The following LRP1B variants were observed in gnomAD, a reference collection of about 807,000 sequenced individuals.
LRP1B encodes low-density lipoprotein receptor-related protein 1B.
A neutral mutation model predicts 556.6 loss-of-function variants in LRP1B; 217 were observed. The ratio of observed to expected loss-of-function variants is 0.39; its 90% CI spans 0.35 to 0.44. The LOEUF (loss-of-function observed/expected upper bound fraction) is 0.44. Ranked by LOEUF, LRP1B falls within the 20% of genes least tolerant of loss-of-function variation. The probability of loss-of-function intolerance (pLI) is 1.00; values close to 1 mark genes in which losing one functional copy is unlikely to be tolerated. For synonymous variants in LRP1B, 2,047 were observed against 1,865.8 expected (o/e 1.10, Z -2.50); for missense variants, 5,053 against 5,620.8 (o/e 0.90, Z 3.23).
rs144504622 is a variant in LRP1B at position 140,888,002 on chromosome 2, G to T, written c.3767-1667C>A. On this transcript the variant is annotated intron_variant, in intron 23 of 90. Coordinates refer to ENST00000389484, the MANE Select transcript of LRP1B (RefSeq NM_018557.3). ...TTAAACTGAATTGTGCACTTTAAAA[G>T]AGTGAATCTTATGGTATGTAAATTA... is the stretch of plus-strand genomic sequence containing the variant. Among the ~76,000 whole-genome samples the T allele has an allele frequency of 2.0e-3, 312 of 152,294 alleles. 1 individual carries two copies. The highest frequency in any genetic ancestry group is 7.3e-3 in the African/African-American group (303 of 41,564).
chr2:140,482,942 TTTAAG>T (rs1688301800), intron 59 of LRP1B, among the ~76,000 whole-genome samples: 1 of 152,182 alleles, frequency 6.6e-6, no homozygotes, highest in Admixed American at 6.5e-5. Flanking sequence ...TAATCTTAAA[TTTAAG>T]TTTTCATTTT....
rs2105129971 is a variant in LRP1B at position 140,356,380 on chromosome 2, G to A, written c.11492C>T (p.Pro3831Leu). The change falls in exon 75 of 91, where the codon CCT (proline) becomes CTT (leucine). Residue 3831 changes from proline to leucine, a missense_variant. Physicochemically the swap from Pro to Leu is moderately conservative, Grantham distance 98. Around this residue, in one of 5 missense-constraint regions of LRP1B, gnomAD observed 599 missense variants for 648.4 expected, o/e 0.92. Transcript: ENST00000389484. The part of the protein sequence containing the change: ...IKTSVFCRCK[P>L]GFQRNMKNRQ... ...GTTTTTCATGTTTCTCTGAAATCCAGGCTTACAGCGACAGAAAACAGATGT... is the reference window on the plus strand; with the variant it reads ...GTTTTTCATGTTTCTCTGAAATCCAAGCTTACAGCGACAGAAAACAGATGT... The A allele has an allele frequency of 6.2e-7, 1 of 1,610,866 alleles. No individual in the cohort carries two copies. The highest frequency in any genetic ancestry group is 1.1e-5 in the South Asian group (1 of 90,972).
chr2:141,349,493 C>A (rs1688372235), intron 3 of LRP1B, among the ~76,000 whole-genome samples: 1 of 152,074 alleles, frequency 6.6e-6, no homozygotes, highest in Admixed American at 6.6e-5. Context: ...AGGTAAACCT[C>A]AAACCTCTGT....
intron 41 of LRP1B, among the ~76,000 whole-genome samples, chr2:140,647,196 T>TA (rs151043561): frequency 6.6e-6 from 1 of 152,130 alleles, no homozygotes; most frequent in Non-Finnish European, 1.5e-5. Flanking sequence ...AATGCTTTTT[T>TA]AAAAAAACTT....
At chr2:141,597,680 T>C (rs1471416001) in intron 2 of LRP1B, among the ~76,000 whole-genome samples, 4 of 152,098 alleles carry the variant, frequency 2.6e-5, no homozygotes, top group Non-Finnish European at 4.4e-5. Context: ...TTCTGGATCC[T>C]TTATTGGAAG....
chr2:141,276,758 G>A (rs1404720761), intron 3 of LRP1B, among the ~76,000 whole-genome samples: 2 of 148,938 alleles, frequency 1.3e-5, no homozygotes, highest in Admixed American at 6.8e-5. Context: ...CCCGGTTCAC[G>A]CCATTCTCCT....
At chr2:140,689,528 T>C (rs1273762610) in intron 41 of LRP1B, among the ~76,000 whole-genome samples, 1 of 152,228 alleles carries the variant, frequency 6.6e-6, no homozygotes, top group Non-Finnish European at 1.5e-5. Context: ...GAAGTTTTTC[T>C]TTTAACAACA....
chr2:141,012,983 G>A (rs72975020), intron 14 of LRP1B, among the ~76,000 whole-genome samples: 13,756 of 149,368 alleles, frequency 0.092, 716 homozygotes, highest in African/African-American at 0.13. Flanking sequence ...ATGTCCTAAT[G>A]AGTATTAATA....
intron 3 of LRP1B, among the ~76,000 whole-genome samples, chr2:141,276,805 C>T (rs570686817): frequency 4.0e-4 from 60 of 151,842 alleles, no homozygotes; most frequent in African/African-American, 1.4e-3. Flanking sequence ...TACAAGCGGC[C>T]GCCACCACGC....
At chr2:141,916,546 T>C (rs1271997087) in intron 1 of LRP1B, among the ~76,000 whole-genome samples, 1 of 135,304 alleles carries the variant, frequency 7.4e-6, no homozygotes, top group Non-Finnish European at 1.6e-5. Context: ...TTGAACTTTT[T>C]TTTTTTTTTT....
intron 1 of LRP1B, among the ~76,000 whole-genome samples, chr2:141,999,321 T>C (rs13386815): frequency 0.13 from 19,062 of 152,096 alleles, 1,246 homozygotes; most frequent in African/African-American, 0.16. Flanking sequence ...GGTCCATCAG[T>C]TGCTTGGAAG....
chr2:140,638,911 A>T (rs1045371855), intron 41 of LRP1B, among the ~76,000 whole-genome samples: 3 of 151,890 alleles, frequency 2.0e-5, no homozygotes, highest in Non-Finnish European at 2.9e-5. Flanking sequence ...ATTTATATAT[A>T]GTTCGTATTT....
intron 7 of LRP1B, among the ~76,000 whole-genome samples, chr2:141,169,014 G>A (rs116057252): frequency 0.026 from 3,971 of 151,966 alleles, 163 homozygotes; most frequent in African/African-American, 0.09. Flanking sequence ...GGCCAGGCGC[G>A]GTGGCTCAGG....
At chr2:141,913,182 A>T (rs889449057) in intron 1 of LRP1B, among the ~76,000 whole-genome samples, 3 of 152,160 alleles carry the variant, frequency 2.0e-5, no homozygotes, top group African/African-American at 7.2e-5. Context: ...CCACTGAACC[A>T]TATATTACAA....
intron 24 of LRP1B, among the ~76,000 whole-genome samples, chr2:140,885,925 G>A (rs113869779): frequency 2.6e-5 from 4 of 151,072 alleles, no homozygotes; most frequent in South Asian, 2.1e-4. Context: ...AGTCCACAGT[G>A]GCAAATGGTG....
intron 90 of LRP1B, 46 bp downstream of exon 90, chr2:140,234,740 G>T: frequency 2.6e-6 from 2 of 761,032 alleles, no homozygotes; most frequent in South Asian, 1.4e-5. Context: ...GATTGTGAGG[G>T]TTCTGTGATG....
intron 51 of LRP1B, 120 bp from the exon 52 acceptor site, chr2:140,510,176 G>A (rs1258836559): frequency 1.3e-5 from 12 of 950,264 alleles, no homozygotes; most frequent in East Asian, 7.7e-5. Context: ...GGAGGCGATT[G>A]TAGTTATTGG....
At chr2:141,152,840 TA>T (rs1287715469) in intron 7 of LRP1B, among the ~76,000 whole-genome samples, 1 of 151,714 alleles carries the variant, frequency 6.6e-6, no homozygotes, top group Non-Finnish European at 1.5e-5. Flanking sequence ...TGTATACTAA[TA>T]CCAACACCTA....
intron 1 of LRP1B, among the ~76,000 whole-genome samples, chr2:141,818,429 C>G (rs1162813442): frequency 6.6e-6 from 1 of 150,390 alleles, no homozygotes; most frequent in African/African-American, 2.4e-5. Flanking sequence ...TAGAGGTCTT[C>G]TTTCTAAATA....
Sources: gnomAD v4.1 joint callset for allele counts (sites outside exome capture counted in the v4.1 genomes callset) on GRCh38, gnomAD v4.1.1 for gene constraint, gnomAD v4.1.1 regional missense constraint, MANE v1.5 for transcripts, NCBI Gene and HGNC (gene_info 2026-07-23, HGNC 2026-07-21) for gene names.